Variants in CAMK1D observed in about 807,000 individuals in gnomAD.
CAMK1D encodes the protein calcium/calmodulin-dependent protein kinase type 1D.
Under a neutral mutation model 47.7 loss-of-function variants are expected in CAMK1D, and 9 were observed. The observed-to-expected ratio is 0.19, with a 90% CI of 0.11 to 0.33. The LOEUF is 0.33. Among genes scored for constraint, CAMK1D ranks in the 10% least tolerant of loss-of-function variants. The pLI is 1.00. For missense variants in CAMK1D, 291 were observed against 488.7 expected, an observed-to-expected ratio of 0.60 and a Z score of 3.81; for synonymous variants, 184 against 184.9, an observed-to-expected ratio of 0.99 and a Z score of 0.04.
In CAMK1D at chr10:12,381,169, A is replaced by G. The variant is rs571477800; in HGVS notation, c.92+31259A>G. On this transcript the variant is annotated intron_variant, in intron 1 of 10. Coordinates refer to ENST00000619168, the MANE Select transcript of CAMK1D (RefSeq NM_153498.4). ...GCAAAAGGAGGTCAGCTTTGTACATACATTGAGCAGTGACAGCGGGCCCCG... is the reference window on the plus strand; with the variant it reads ...GCAAAAGGAGGTCAGCTTTGTACATGCATTGAGCAGTGACAGCGGGCCCCG... Among the ~76,000 whole-genome samples, 114 of 152,342 alleles carry G rather than the reference A, an allele frequency of 7.5e-4. 1 individual carries two copies. Among genetic ancestry groups the G allele is most frequent in the South Asian group, 1.7e-3 (8 of 4,830 alleles).
intron 1 of CAMK1D, among the ~76,000 whole-genome samples, chr10:12,532,112 T>C (rs1308753107): frequency 4.6e-5 from 7 of 152,172 alleles, no homozygotes; most frequent in Admixed American, 1.3e-4. Context: ...ATTAAATCAT[T>C]CCTATAACAG....
intron 3 of CAMK1D, among the ~76,000 whole-genome samples, chr10:12,702,785 G>A (rs1360401718): frequency 1.3e-5 from 2 of 152,196 alleles, no homozygotes; most frequent in Non-Finnish European, 2.9e-5. Flanking sequence ...AAGAAGATGC[G>A]TAGCACTGGG....
intron 1 of CAMK1D, among the ~76,000 whole-genome samples, chr10:12,404,965 A>G (rs1839366631): frequency 6.6e-6 from 1 of 152,180 alleles, no homozygotes; most frequent in South Asian, 2.1e-4. Context: ...GATTATAGAC[A>G]TGAGCCACCG....
chr10:12,436,744 G>A (rs188721945), intron 1 of CAMK1D, among the ~76,000 whole-genome samples: 22 of 152,264 alleles, frequency 1.4e-4, no homozygotes, highest in Non-Finnish European at 3.2e-4. Flanking sequence ...TGAGACCAAC[G>A]GGTGATCTCA....
At chr10:12,594,546 A>C (rs565053969) in intron 2 of CAMK1D, among the ~76,000 whole-genome samples, 24 of 152,354 alleles carry the variant, frequency 1.6e-4, no homozygotes, top group African/African-American at 5.3e-4. Flanking sequence ...ACCACCCACC[A>C]AGTGGGCCAA....
intron 1 of CAMK1D, among the ~76,000 whole-genome samples, chr10:12,366,242 T>C (rs1351761899): frequency 1.3e-5 from 2 of 152,254 alleles, no homozygotes; most frequent in Non-Finnish European, 2.9e-5. Context: ...GTTGTTGTAT[T>C]GTTTTCATTT....
At chr10:12,745,607 C>CTTTT (rs62682462) in intron 3 of CAMK1D, among the ~76,000 whole-genome samples, 6 of 144,878 alleles carry the variant, frequency 4.1e-5, no homozygotes, top group South Asian at 2.2e-4. Flanking sequence ...TTCTTTTTTT[C>CTTTT]TTTTTTTTTT....
At chr10:12,389,665 A>T (rs564246345) in intron 1 of CAMK1D, among the ~76,000 whole-genome samples, 1 of 152,094 alleles carries the variant, frequency 6.6e-6, no homozygotes, top group African/African-American at 2.4e-5. Context: ...GCGACCGTCC[A>T]GTTATTTTGG....
intron 1 of CAMK1D, among the ~76,000 whole-genome samples, chr10:12,375,386 C>A (rs1230458574): frequency 2.0e-5 from 3 of 152,194 alleles, no homozygotes; most frequent in East Asian, 1.9e-4. Context: ...AAATCATCCC[C>A]GCCTTCCGTG....
intron 1 of CAMK1D, among the ~76,000 whole-genome samples, chr10:12,451,447 C>G (rs562711081): frequency 6.6e-6 from 1 of 152,152 alleles, no homozygotes; most frequent in Non-Finnish European, 1.5e-5. Context: ...TCACTCTTGC[C>G]CTCTTCTTGG....
chr10:12,621,256 A>G (rs1838988972), intron 2 of CAMK1D, among the ~76,000 whole-genome samples: 1 of 152,172 alleles, frequency 6.6e-6, no homozygotes, highest in South Asian at 2.1e-4. Context: ...GTTTAGCTAT[A>G]TTCTAGTTCC....
chr10:12,639,908 T>C (rs1031265079), intron 2 of CAMK1D, among the ~76,000 whole-genome samples: 133 of 152,182 alleles, frequency 8.7e-4, no homozygotes, highest in Non-Finnish European at 5.6e-4. Context: ...GAAGCTTCTA[T>C]GCGCCTGGAA....
intron 1 of CAMK1D, among the ~76,000 whole-genome samples, chr10:12,369,620 C>T (rs1837947837): frequency 6.6e-6 from 1 of 152,140 alleles, no homozygotes; most frequent in Non-Finnish European, 1.5e-5. Flanking sequence ...AGGACGCCGG[C>T]TTCTGTAGGA....
intron 3 of CAMK1D, among the ~76,000 whole-genome samples, chr10:12,699,827 C>T (rs1015308755): frequency 6.6e-6 from 1 of 152,144 alleles, no homozygotes; most frequent in Non-Finnish European, 1.5e-5. Flanking sequence ...TTCACCATTC[C>T]TCCACACAAG....
intron 1 of CAMK1D, among the ~76,000 whole-genome samples, chr10:12,431,015 G>T (rs1832456898): frequency 6.6e-6 from 1 of 152,212 alleles, no homozygotes; most frequent in South Asian, 2.1e-4. Flanking sequence ...CTCCCAAAGT[G>T]CTGGGGTTAT....
At chr10:12,496,695 A>G (rs989006811) in intron 1 of CAMK1D, among the ~76,000 whole-genome samples, 1 of 152,202 alleles carries the variant, frequency 6.6e-6, no homozygotes. Flanking sequence ...AACAGAAACA[A>G]TCCATTGCTA....
chr10:12,637,141 G>C (rs1588717149), intron 2 of CAMK1D, among the ~76,000 whole-genome samples: 1 of 151,768 alleles, frequency 6.6e-6, no homozygotes, highest in Admixed American at 6.6e-5. Flanking sequence ...CCGGCTAATT[G>C]TTGTATTTTT....
intron 3 of CAMK1D, among the ~76,000 whole-genome samples, chr10:12,707,752 G>A (rs888768280): frequency 2.6e-5 from 4 of 152,188 alleles, no homozygotes; most frequent in Non-Finnish European, 4.4e-5. Context: ...GAGGAAGCAT[G>A]GCATAGCAAG....
At chr10:12,520,941 AGAGG>A (rs1169733630) in intron 1 of CAMK1D, among the ~76,000 whole-genome samples, 19 of 6,236 alleles carry the variant, frequency 3.0e-3, no homozygotes, top group African/African-American at 0.01. Context: ...GGGGAGAGGG[AGAGG>A]GAGGGGGAGG....
Sources: gnomAD v4.1 joint callset for allele counts (sites outside exome capture counted in the v4.1 genomes callset) on GRCh38, gnomAD v4.1.1 for gene constraint, MANE v1.5 for transcripts, NCBI Gene and HGNC (gene_info 2026-07-23, HGNC 2026-07-21) for gene names.